NALCN: variants seen among roughly 807,000 people sequenced by gnomAD.
NALCN encodes sodium leak channel NALCN.
NALCN carries 111 observed loss-of-function variants against 225.3 expected under a neutral mutation model. That is an observed-to-expected ratio of 0.49 (90% CI 0.42 to 0.58). The LOEUF is 0.58. NALCN is among the 20% of genes least tolerant of loss of function. NALCN has a pLI of 0.00. For missense variants in NALCN, 1,378 were observed against 2,202.4 expected (o/e 0.63, Z 7.49); for synonymous variants, 764 against 769.0 (o/e 0.99, Z 0.11).
chr13:101,080,656 T>C (rs1241955511), intron 34 of NALCN, among the ~76,000 whole-genome samples: 1 of 146,468 alleles, frequency 6.8e-6, no homozygotes, highest in African/African-American at 2.5e-5. Context: ...ATATATAATA[T>C]ATAACTATAT....
intron 7 of NALCN, among the ~76,000 whole-genome samples, chr13:101,301,965 A>G (rs2139100097): frequency 6.6e-6 from 1 of 152,328 alleles, no homozygotes; most frequent in South Asian, 2.1e-4. Context: ...AAGAGTACAC[A>G]AAATATGTCA....
chr13:101,116,312 C>T (rs906627614), intron 18 of NALCN: 2 of 138,542 alleles, frequency 1.4e-5, no homozygotes, highest in African/African-American at 7.1e-5. Flanking sequence ...TATATGACAG[C>T]CATATATATA....
chr13:101,347,588 A>G (rs9582475), intron 6 of NALCN, among the ~76,000 whole-genome samples: 54,631 of 152,022 alleles, frequency 0.36, 9,903 homozygotes, highest in Admixed American at 0.45. Context: ...CTTGTCATCA[A>G]TGATTTGGTA....
chr13:101,057,843 A>C (rs928773478), intron 43 of NALCN, 96 bp downstream of exon 43: 2 of 923,590 alleles, frequency 2.2e-6, no homozygotes, highest in Non-Finnish European at 3.6e-6. Context: ...CTGTAGATGC[A>C]GACTTGCATT....
At chr13:101,114,617 C>A (rs146682130) in intron 18 of NALCN, among the ~76,000 whole-genome samples, 1 of 152,198 alleles carries the variant, frequency 6.6e-6, no homozygotes, top group East Asian at 1.9e-4. Flanking sequence ...AACAACCATG[C>A]GATTGAGTGG....
chr13:101,258,617 CT>C, intron 10 of NALCN, 43 bp from the exon 11 acceptor site: 1 of 1,612,590 alleles, frequency 6.2e-7, no homozygotes. Flanking sequence ...AGAAATAAAC[CT>C]CATGATTAAG....
intron 12 of NALCN, among the ~76,000 whole-genome samples, chr13:101,230,090 T>C (rs887716444): frequency 1.3e-5 from 2 of 152,186 alleles, no homozygotes; most frequent in East Asian, 1.9e-4. Context: ...GGGAATGTAT[T>C]TGAGGTGTTT....
At chr13:101,391,099 TAA>T (rs1313334347) in intron 3 of NALCN, among the ~76,000 whole-genome samples, 19 of 151,822 alleles carry the variant, frequency 1.3e-4, no homozygotes, top group Admixed American at 9.8e-4. Context: ...CAAAAATTAA[TAA>T]GTTAATTAAG....
At chr13:101,125,290 G>A (rs1452048569) in intron 17 of NALCN, among the ~76,000 whole-genome samples, 1 of 152,108 alleles carries the variant, frequency 6.6e-6, no homozygotes, top group Admixed American at 6.5e-5. Flanking sequence ...GGTGTACAAG[G>A]AGTTAAAGCA....
chr13:101,300,322 C>A (rs973487851), intron 7 of NALCN, among the ~76,000 whole-genome samples: 1 of 146,726 alleles, frequency 6.8e-6, no homozygotes, highest in Non-Finnish European at 1.5e-5. Context: ...TCTTCCTCTT[C>A]TTTTCCTTCC....
intron 34 of NALCN, among the ~76,000 whole-genome samples, chr13:101,077,019 C>T (rs1260713587): frequency 6.6e-6 from 1 of 152,250 alleles, no homozygotes; most frequent in East Asian, 1.9e-4. Flanking sequence ...TTCCCTCATC[C>T]TGTTCTTGTG....
intron 17 of NALCN, among the ~76,000 whole-genome samples, chr13:101,129,231 CTTGA>C (rs1344776103): frequency 1.3e-5 from 2 of 152,156 alleles, no homozygotes; most frequent in African/African-American, 4.8e-5. Context: ...AAGATAAATG[CTTGA>C]TTATCGACTT....
chr13:101,290,359 A>G (rs918426839), intron 9 of NALCN, among the ~76,000 whole-genome samples: 2 of 152,176 alleles, frequency 1.3e-5, no homozygotes, highest in African/African-American at 4.8e-5. Flanking sequence ...ATAGTTCCAT[A>G]TTCCATTTAG....
At chr13:101,169,651 G>A (rs1054447333) in intron 15 of NALCN, among the ~76,000 whole-genome samples, 5 of 152,204 alleles carry the variant, frequency 3.3e-5, no homozygotes, top group African/African-American at 4.8e-5. Context: ...AAATGAAGGA[G>A]CTGGTTCTCT....
intron 10 of NALCN, among the ~76,000 whole-genome samples, chr13:101,266,760 TGTAAAA>T (rs1236589225): frequency 3.3e-5 from 5 of 152,210 alleles, no homozygotes; most frequent in Non-Finnish European, 7.3e-5. Context: ...AAGGACACAA[TGTAAAA>T]GACCAAATGC....
Position 101,090,005 on chromosome 13 carries a change from T to C in NALCN, c.3270-39A>G, listed in dbSNP as rs747104358. On this transcript the variant is annotated intron_variant, in intron 28 of 43. Coordinates refer to ENST00000251127, the MANE Select transcript of NALCN (RefSeq NM_052867.4). ...ACAGGAATGTTCTGTGAAATTCCAA[T>C]AAGCAGCACCCGAAGGCAAATATCT... 1.9e-6 allele frequency: 3 copies of C among 1,612,468 alleles called. No individual in the cohort carries two copies. In the South Asian group the frequency reaches 3.3e-5, roughly 18 times the overall value.
chr13:101,210,252 C>T (rs1010944933), intron 13 of NALCN, among the ~76,000 whole-genome samples: 1 of 152,132 alleles, frequency 6.6e-6, no homozygotes, highest in Admixed American at 6.6e-5. Flanking sequence ...TATGCTTTAT[C>T]CCATCATGCT....
intron 15 of NALCN, among the ~76,000 whole-genome samples, chr13:101,163,128 C>A (rs568593537): frequency 6.6e-6 from 1 of 152,248 alleles, no homozygotes; most frequent in South Asian, 2.1e-4. Context: ...GTCTCAAACT[C>A]CTGACCACAG....
At chr13:101,101,423 G>A (rs1362515224) in intron 26 of NALCN, among the ~76,000 whole-genome samples, 2 of 151,684 alleles carry the variant, frequency 1.3e-5, no homozygotes, top group African/African-American at 4.8e-5. Context: ...TGGGACTACA[G>A]GCACACGCCA....
Sources: allele counts gnomAD v4.1 joint callset (sites outside exome capture counted in the v4.1 genomes callset), GRCh38; gene constraint gnomAD v4.1.1; transcripts MANE v1.5; gene names NCBI Gene and HGNC (gene_info 2026-07-23, HGNC 2026-07-21).